Variants in FTO observed in about 807,000 individuals in gnomAD.
FTO encodes the protein alpha-ketoglutarate-dependent dioxygenase FTO.
In FTO, 47 loss-of-function variants were observed where a neutral mutation model predicts 63.9. The ratio of observed to expected loss-of-function variants is 0.74; its 90% CI spans 0.58 to 0.94. FTO has a LOEUF of 0.94. Ranked by LOEUF, FTO falls within the 40% of genes least tolerant of loss-of-function variation. FTO has a pLI of 0.00. For synonymous variants in FTO, 207 were observed against 224.4 expected (o/e 0.92, Z 0.69); for missense variants, 562 against 618.1 (o/e 0.91, Z 0.96).
At chr16:53,909,026 A>G (rs974716751) in intron 7 of FTO, among the ~76,000 whole-genome samples, 15 of 152,180 alleles carry the variant, frequency 9.9e-5, no homozygotes, top group Admixed American at 9.2e-4. Context: ...AAGATAACTC[A>G]GCATCCTTCT....
chr16:53,909,532 C>CTTTTTTTTTTTTTTTTTTTTTTTT (rs58121446), intron 7 of FTO, among the ~76,000 whole-genome samples: 1 of 71,192 alleles, frequency 1.4e-5, no homozygotes, highest in Non-Finnish European at 2.6e-5. Flanking sequence ...AGAGCCCCGC[C>CTTTTTTTTTTTTTTTTTTTTTTTT]TTTTTTTTTT....
intron 2 of FTO, among the ~76,000 whole-genome samples, chr16:53,813,964 T>A (rs538383554): frequency 6.6e-6 from 1 of 152,162 alleles, no homozygotes; most frequent in African/African-American, 2.4e-5. Context: ...GGAATTGGAG[T>A]TCAGCCTGCC....
chr16:53,874,676 C>G (rs1371040038), intron 5 of FTO, among the ~76,000 whole-genome samples: 1 of 152,160 alleles, frequency 6.6e-6, no homozygotes, highest in Non-Finnish European at 1.5e-5. Context: ...AGTGGCAGTA[C>G]TGCGTGAGTC....
At chr16:53,771,392 G>A (rs1479184994) in intron 1 of FTO, among the ~76,000 whole-genome samples, 1 of 151,898 alleles carries the variant, frequency 6.6e-6, no homozygotes, top group Non-Finnish European at 1.5e-5. Flanking sequence ...TTCTTACAAC[G>A]TCTCCTTCTG....
chr16:53,919,445 C>T (rs1317996082), intron 7 of FTO, among the ~76,000 whole-genome samples: 2 of 152,120 alleles, frequency 1.3e-5, no homozygotes, highest in Admixed American at 6.5e-5. Flanking sequence ...GGTAGAACTA[C>T]CATTTGATCC....
At chr16:53,737,785 C>G (rs541902414) in intron 1 of FTO, among the ~76,000 whole-genome samples, 2 of 152,116 alleles carry the variant, frequency 1.3e-5, no homozygotes, top group Admixed American at 1.3e-4. Context: ...ACTCCTCCCC[C>G]CAGCCTACCC....
chr16:53,993,453 A>G (rs766869581), intron 8 of FTO: 3 of 152,218 alleles, frequency 2.0e-5, no homozygotes, highest in Non-Finnish European at 2.9e-5. Flanking sequence ...GAACTTTACT[A>G]AAATAAAACA....
intron 1 of FTO, among the ~76,000 whole-genome samples, chr16:53,788,514 A>G (rs2077810937): frequency 6.6e-6 from 1 of 151,052 alleles, no homozygotes; most frequent in South Asian, 2.1e-4. Context: ...GAGGCAGGAG[A>G]ATTGCTTGAA....
intron 2 of FTO, among the ~76,000 whole-genome samples, chr16:53,820,569 G>T (rs1056020887): frequency 6.6e-6 from 1 of 151,382 alleles, no homozygotes; most frequent in East Asian, 1.9e-4. Flanking sequence ...ATGCTGGTGC[G>T]CTGCACCCAC....
At chr16:53,740,214 G>A (rs1017753314) in intron 1 of FTO, among the ~76,000 whole-genome samples, 3 of 152,118 alleles carry the variant, frequency 2.0e-5, no homozygotes, top group African/African-American at 7.2e-5. Context: ...CAGCTAGAGT[G>A]GCTTTGTGAC....
At chr16:53,999,141 A>G (rs1277384337) in intron 8 of FTO, among the ~76,000 whole-genome samples, 1 of 152,228 alleles carries the variant, frequency 6.6e-6, no homozygotes, top group Non-Finnish European at 1.5e-5. Flanking sequence ...GTTGACAGCC[A>G]TCATGGGGAA....
intron 8 of FTO, among the ~76,000 whole-genome samples, chr16:54,014,388 C>T (rs75143447): frequency 0.011 from 1,684 of 151,934 alleles, 36 homozygotes; most frequent in African/African-American, 0.038. Flanking sequence ...AGCCTGGCAC[C>T]TTCCTCCCCT....
intron 8 of FTO, among the ~76,000 whole-genome samples, chr16:54,015,691 GTTGTACA>G: frequency 6.6e-6 from 1 of 152,292 alleles, no homozygotes; most frequent in East Asian, 1.9e-4. Context: ...GCCAAATACC[GTTGTACA>G]TTGTACCTGC....
At chr16:53,769,646 T>C (rs1349383421) in intron 1 of FTO, among the ~76,000 whole-genome samples, 2 of 152,126 alleles carry the variant, frequency 1.3e-5, no homozygotes, top group Non-Finnish European at 2.9e-5. Context: ...TGTCTAGCCC[T>C]GTGGGTTTAC....
rs967008079 is a variant in FTO at position 53,782,771 on chromosome 16, G to T, written c.46-27369G>T. ...AAATTCATTAAACCTTCGACACAAA[G>T]TGCAGCCATTTTAATGCTGAATGAT... On this transcript the variant is annotated intron_variant, in intron 1 of 8. Coordinates refer to ENST00000471389, the MANE Select transcript of FTO (RefSeq NM_001080432.3). Among the ~76,000 whole-genome samples, 30 of 152,352 alleles carry T rather than the reference G, an allele frequency of 2.0e-4. No individual in the cohort carries two copies. The South Asian group carries it at 3.5e-3, about 18-fold the overall frequency.
chr16:53,919,564 G>A (rs191673614), intron 7 of FTO, among the ~76,000 whole-genome samples: 3 of 152,254 alleles, frequency 2.0e-5, no homozygotes, highest in East Asian at 1.9e-4. Context: ...GCAGCAATAC[G>A]GAACCAGTCC....
chr16:54,040,760 G>GT (rs1162066160), intron 8 of FTO: 1 of 152,238 alleles, frequency 6.6e-6, no homozygotes, highest in East Asian at 1.9e-4. Flanking sequence ...GAGGAGTGAT[G>GT]CGAGATGAGA....
At chr16:53,990,586 A>G (rs1054329665) in intron 8 of FTO, among the ~76,000 whole-genome samples, 5 of 151,940 alleles carry the variant, frequency 3.3e-5, no homozygotes, top group African/African-American at 1.2e-4. Flanking sequence ...TTCTGTGGCC[A>G]TTTACTGAGC....
chr16:53,824,064 G>A (rs907261929), intron 2 of FTO, among the ~76,000 whole-genome samples: 1 of 152,048 alleles, frequency 6.6e-6, no homozygotes, highest in Non-Finnish European at 1.5e-5. Context: ...CACATTCCAC[G>A]CTCACATGTG....
Sources: allele counts gnomAD v4.1 joint callset (sites outside exome capture counted in the v4.1 genomes callset), GRCh38; gene constraint gnomAD v4.1.1; transcripts MANE v1.5; gene names NCBI Gene and HGNC (gene_info 2026-07-23, HGNC 2026-07-21).